RYK: variants seen among roughly 807,000 people sequenced by gnomAD.
RYK encodes the protein receptor like tyrosine kinase.
A neutral mutation model predicts 70.2 loss-of-function variants in RYK; 21 were observed. The observed-to-expected ratio is 0.30, with a 90% CI of 0.21 to 0.43. The LOEUF is 0.43. Among genes scored for constraint, RYK ranks in the 20% least tolerant of loss-of-function variants. The probability of loss-of-function intolerance (pLI) is 1.00; values close to 1 mark genes in which losing one functional copy is unlikely to be tolerated. For synonymous variants in RYK, 267 were observed against 278.0 expected (o/e 0.96, Z 0.39); for missense variants, 604 against 753.3 (o/e 0.80, Z 2.32).
Position 134,222,438 on chromosome 3 carries a change from T to C in RYK, c.334A>G (p.Thr112Ala), listed in dbSNP as rs751733843. The change falls in exon 2 of 15, where the codon ACC becomes GCC. Residue 112 changes from threonine to alanine, a missense_variant. Transcript: ENST00000623711. ...VPSETNFLHF[T>A]WHAKSKVEYK... ...CTTACCTTGGACTTCGCATGCCAGG[T>C]GAAGTGCAGGAAATTTGTCTCACTG... 7.4e-6 allele frequency: 12 copies of C among 1,613,040 alleles called. No individual in the cohort carries two copies. The African/African-American group carries it at 1.6e-4, about 22-fold the overall frequency.
chr3:134,185,047 T>C (rs891860241), intron 9 of RYK, among the ~76,000 whole-genome samples: 3 of 150,858 alleles, frequency 2.0e-5, no homozygotes, highest in African/African-American at 4.9e-5. Flanking sequence ...AGGTGGGGGA[T>C]TGCTTGAGCC....
At chr3:134,241,734 A>G (rs983638979) in intron 1 of RYK, among the ~76,000 whole-genome samples, 2 of 152,248 alleles carry the variant, frequency 1.3e-5, no homozygotes, top group Admixed American at 1.3e-4. Flanking sequence ...CAGTAGAGAA[A>G]GCACGCACTT....
rs1293081566 is a variant in RYK at position 134,202,668 on chromosome 3, GCTCC to G, written c.788+58_788+61del. 11 of 1,461,930 alleles carry G rather than the reference GCTCC, an allele frequency of 7.5e-6. No individual in the cohort carries two copies. The African/African-American group carries it at 1.1e-4, about 15-fold the overall frequency. The allele number at this position is 1,461,930 out of a possible 1,614,324, so 90.6% of individuals were successfully genotyped here. A position where few individuals can be genotyped will look rare whatever the true frequency, so the allele number is the denominator to read the frequency against. ...CACCACTGTGCATCGATGTGTATGG[GCTCC>G]CACATATATACAAATAACTGCTTTC... On this transcript the variant is annotated intron_variant, in intron 6 of 14. Coordinates refer to ENST00000623711, the MANE Select transcript of RYK (RefSeq NM_002958.4).
chr3:134,205,803 T>C (rs986545281), intron 5 of RYK, among the ~76,000 whole-genome samples: 1 of 152,162 alleles, frequency 6.6e-6, no homozygotes, highest in Non-Finnish European at 1.5e-5. Context: ...ATTGCCTATA[T>C]TGCCTCGTCT....
intron 1 of RYK, among the ~76,000 whole-genome samples, chr3:134,241,389 T>C (rs2015324263): frequency 6.8e-6 from 1 of 146,246 alleles, no homozygotes; most frequent in Non-Finnish European, 1.5e-5. Context: ...TGTATTTAAG[T>C]TCCCTTTACA....
At chr3:134,209,534 A>G (rs1576522268) in intron 4 of RYK, among the ~76,000 whole-genome samples, 161 bp downstream of exon 4, 1 of 152,158 alleles carries the variant, frequency 6.6e-6, no homozygotes, top group South Asian at 2.1e-4. Flanking sequence ...TTGGCTACCA[A>G]CCATCTGGGA....
Position 134,250,196 on chromosome 3 carries a change from G to A in RYK, c.232+227C>T, listed in dbSNP as rs370423480. ...GGGGTGAATCTGGGTCTATCGCGGC[G>A]GGGCAGCGAGGGCGGCACGAAGGCT... On this transcript the variant is annotated intron_variant, in intron 1 of 14. Transcript: ENST00000623711. 5.3e-5 allele frequency among the ~76,000 whole-genome samples: 8 copies of A among 152,252 alleles called. No individual in the cohort carries two copies. The East Asian group carries it at 1.4e-3, about 26-fold the overall frequency.
intron 2 of RYK, among the ~76,000 whole-genome samples, chr3:134,216,891 GA>G (rs1391786630): frequency 7.1e-6 from 1 of 140,070 alleles, no homozygotes; most frequent in Non-Finnish European, 1.5e-5. Flanking sequence ...GAATACAGAA[GA>G]AACTATCTGT....
At chr3:134,171,416 T>C (rs1259282536) in intron 13 of RYK, among the ~76,000 whole-genome samples, 1 of 152,228 alleles carries the variant, frequency 6.6e-6, no homozygotes, top group African/African-American at 2.4e-5. Flanking sequence ...GGAGATTTAT[T>C]ATTAGCTATA....
At chr3:134,221,574 G>GA (rs1479862278) in intron 2 of RYK, among the ~76,000 whole-genome samples, 1 of 151,652 alleles carries the variant, frequency 6.6e-6, no homozygotes, top group Non-Finnish European at 1.5e-5. Flanking sequence ...TTTCTAAGTA[G>GA]AAAAAAATGA....
chr3:134,167,010 T>C (rs2108143539), intron 13 of RYK, among the ~76,000 whole-genome samples: 1 of 152,326 alleles, frequency 6.6e-6, no homozygotes, highest in Non-Finnish European at 1.5e-5. Flanking sequence ...CTTTAATATT[T>C]ATTTCTCTTA....
Position 134,186,124 on chromosome 3 carries a change from T to G in RYK, c.1102+2713A>C, listed in dbSNP as rs190326152. 3.5e-3 allele frequency among the ~76,000 whole-genome samples: 529 copies of G among 152,296 alleles called. 2 individuals are homozygous for G. Among genetic ancestry groups the G allele is most frequent in the Admixed American group, 0.012 (183 of 15,302 alleles). On this transcript the variant is annotated intron_variant, in intron 9 of 14. Transcript: ENST00000623711. ...TGCTTATTTACAAAACTATAAAAAT[T>G]TAGTAGCTATAATAAAGAAAATAAG...
At chr3:134,179,445 A>C (rs1203990410) in intron 10 of RYK, 1 of 152,092 alleles carries the variant, frequency 6.6e-6, no homozygotes, top group African/African-American at 2.4e-5. Context: ...AGATCAGTAA[A>C]CCTCTAAGAG....
chr3:134,244,678 T>C (rs765557824), intron 1 of RYK, among the ~76,000 whole-genome samples: 12 of 152,212 alleles, frequency 7.9e-5, no homozygotes, highest in Admixed American at 4.6e-4. Context: ...TCAGAACTTA[T>C]ACACTTCCAT....
At chr3:134,184,889 T>A (rs2013412711) in intron 9 of RYK, among the ~76,000 whole-genome samples, 1 of 146,980 alleles carries the variant, frequency 6.8e-6, no homozygotes. Context: ...AACGAATTTT[T>A]ACATCAGTAG....
At chr3:134,218,230 C>T (rs533387832) in intron 2 of RYK, among the ~76,000 whole-genome samples, 2 of 152,312 alleles carry the variant, frequency 1.3e-5, no homozygotes, top group South Asian at 2.1e-4. Flanking sequence ...TAAAGCCGCA[C>T]ATCCCAACTC....
intron 2 of RYK, among the ~76,000 whole-genome samples, chr3:134,216,979 C>G (rs1576525854): frequency 6.6e-6 from 1 of 152,020 alleles, no homozygotes; most frequent in Non-Finnish European, 1.5e-5. Flanking sequence ...ACTCCCAACT[C>G]AAAATGCAAT....
intron 5 of RYK, among the ~76,000 whole-genome samples, chr3:134,204,591 CCACACACACACACA>C (rs59154111): frequency 1.4e-5 from 2 of 140,694 alleles, no homozygotes; most frequent in African/African-American, 5.3e-5. Flanking sequence ...ACAGCCACAG[CCACACACACACACA>C]CACACACACA....
chr3:134,170,221 A>G (rs1324108930), intron 13 of RYK, among the ~76,000 whole-genome samples: 1 of 152,240 alleles, frequency 6.6e-6, no homozygotes, highest in Non-Finnish European at 1.5e-5. Flanking sequence ...TACAAAAGAA[A>G]AATGTGAGCA....
Sources: gnomAD v4.1 joint callset for allele counts (sites outside exome capture counted in the v4.1 genomes callset) on GRCh38, gnomAD v4.1.1 for gene constraint, MANE v1.5 for transcripts, NCBI Gene and HGNC (gene_info 2026-07-23, HGNC 2026-07-21) for gene names.